TENM4: variants seen among roughly 807,000 people sequenced by gnomAD.
TENM4 encodes the protein teneurin-4.
A neutral mutation model predicts 243.3 loss-of-function variants in TENM4; 82 were observed. The observed-to-expected ratio is 0.34, with a 90% CI of 0.28 to 0.40. TENM4 has a LOEUF of 0.40. Ranked by LOEUF, TENM4 falls within the 10% of genes least tolerant of loss-of-function variation. The probability of loss-of-function intolerance (pLI) is 1.00; values close to 1 mark genes in which losing one functional copy is unlikely to be tolerated. For synonymous variants in TENM4, 1,412 were observed against 1,456.3 expected (o/e 0.97, Z 0.69); for missense variants, 3,138 against 3,673.3 (o/e 0.85, Z 3.77).
intron 12 of TENM4, among the ~76,000 whole-genome samples, chr11:78,846,253 A>G (rs1245462620): frequency 6.6e-6 from 1 of 152,152 alleles, no homozygotes; most frequent in African/African-American, 2.4e-5. Flanking sequence ...CTTTTCTAGG[A>G]CGTGTGCTTA....
intron 1 of TENM4, among the ~76,000 whole-genome samples, chr11:79,378,124 G>A (rs1363506268): frequency 6.6e-6 from 1 of 152,174 alleles, no homozygotes; most frequent in Non-Finnish European, 1.5e-5. Flanking sequence ...CAAAGCTGCT[G>A]GTACCACCTG....
At chr11:78,905,621 G>C (rs1196392549) in intron 6 of TENM4, among the ~76,000 whole-genome samples, 1 of 152,186 alleles carries the variant, frequency 6.6e-6, no homozygotes, top group African/African-American at 2.4e-5. Context: ...GATGTACTGA[G>C]ACCATCTGAA....
chr11:78,878,572 C>CT (rs1487132497), intron 9 of TENM4, among the ~76,000 whole-genome samples: 2 of 152,158 alleles, frequency 1.3e-5, no homozygotes, highest in Non-Finnish European at 2.9e-5. Flanking sequence ...ATCCTTCAGC[C>CT]TTTTTTGGTC....
At position 79,440,265 on chromosome 11, in the gene TENM4, C is replaced by A. The variant is rs1859375594; in HGVS notation, c.-321+244G>T. ...CCAACCCTTGCTCCCAGGCTCCAGT[C>A]CGCGGCGGGCTCCGGGGGCTGCGGC... On this transcript the variant is annotated intron_variant, in intron 1 of 33. Coordinates refer to ENST00000278550, the MANE Select transcript of TENM4 (RefSeq NM_001098816.3). This position sits in a 1 kb window ranked among gnomAD's most constrained non-coding sequence, Gnocchi z 4.7. 1.3e-5 allele frequency among the ~76,000 whole-genome samples: 2 copies of A among 151,094 alleles called. No individual in the cohort carries two copies. Among genetic ancestry groups the A allele is most frequent in the Non-Finnish European group, 3.0e-5 (2 of 67,648 alleles).
chr11:79,187,968 A>G (rs1370487296), intron 3 of TENM4, among the ~76,000 whole-genome samples: 1 of 152,224 alleles, frequency 6.6e-6, no homozygotes, highest in Non-Finnish European at 1.5e-5. Context: ...CTAGCAGACT[A>G]TATATAATTC....
intron 21 of TENM4, among the ~76,000 whole-genome samples, chr11:78,730,099 C>G (rs1042512592): frequency 6.6e-6 from 1 of 152,172 alleles, no homozygotes; most frequent in Non-Finnish European, 1.5e-5. Flanking sequence ...AGAAAGCTCA[C>G]GGAACCTCTG....
At chr11:78,815,459 C>A (rs1165212407) in intron 12 of TENM4, among the ~76,000 whole-genome samples, 1 of 152,188 alleles carries the variant, frequency 6.6e-6, no homozygotes, top group Non-Finnish European at 1.5e-5. Flanking sequence ...TGTCATGCCC[C>A]CCTTTTGCAG....
chr11:79,211,561 A>C (rs890248400), intron 3 of TENM4, among the ~76,000 whole-genome samples: 16 of 152,360 alleles, frequency 1.1e-4, no homozygotes, highest in African/African-American at 3.8e-4. Flanking sequence ...TGAATGCAGA[A>C]GCAGATACCT....
rs568932199 is a variant in TENM4 at position 79,337,825 on chromosome 11, C to T, written c.-320-40282G>A. The stretch of plus-strand genomic sequence containing the variant: ...GGTTTCTGCCCCATGCCATCGAAGG[C>T]CTTGCCAAGGACAGGGGCAAAGTGG... On this transcript the variant is annotated intron_variant, in intron 1 of 33. Coordinates refer to ENST00000278550, the MANE Select transcript of TENM4 (RefSeq NM_001098816.3). Among the ~76,000 whole-genome samples the T allele has an allele frequency of 5.3e-5, 8 of 152,306 alleles. No individual in the cohort carries two copies. In the South Asian group the frequency reaches 1.2e-3, roughly 24 times the overall value.
intron 4 of TENM4, among the ~76,000 whole-genome samples, chr11:79,123,701 T>A (rs967549013): frequency 1.3e-5 from 2 of 151,840 alleles, no homozygotes; most frequent in Non-Finnish European, 2.9e-5. Flanking sequence ...AAAATGTCCC[T>A]TTTCGGGGAA....
chr11:79,367,521 T>C (rs1857700188), intron 1 of TENM4, among the ~76,000 whole-genome samples: 1 of 152,238 alleles, frequency 6.6e-6, no homozygotes, highest in South Asian at 2.1e-4. Flanking sequence ...GATGCACATA[T>C]GTTATTGATT....
intron 6 of TENM4, among the ~76,000 whole-genome samples, chr11:79,028,168 T>A (rs1442547632): frequency 6.6e-6 from 1 of 152,160 alleles, no homozygotes; most frequent in Non-Finnish European, 1.5e-5. Flanking sequence ...ACAGAGCAGT[T>A]GTAAAGATTT....
intron 6 of TENM4, among the ~76,000 whole-genome samples, chr11:79,041,627 A>G (rs1215122380): frequency 6.6e-6 from 1 of 152,222 alleles, no homozygotes; most frequent in Non-Finnish European, 1.5e-5. Flanking sequence ...CAACATCCAA[A>G]GAGTGGCCTT....
intron 9 of TENM4, among the ~76,000 whole-genome samples, chr11:78,888,925 G>A (rs1395816610): frequency 6.6e-6 from 1 of 152,166 alleles, no homozygotes; most frequent in African/African-American, 2.4e-5. Context: ...TTACTAAGAG[G>A]CTGATTTATA....
At chr11:79,069,689 G>T in intron 5 of TENM4, 33 bp downstream of exon 5, 1 of 1,530,046 alleles carries the variant, frequency 6.5e-7, no homozygotes, top group Non-Finnish European at 8.8e-7. Context: ...GCTCACCTGC[G>T]CCTGAGGCCC....
chr11:79,408,410 C>T (rs1236221733), intron 1 of TENM4, among the ~76,000 whole-genome samples: 1 of 152,130 alleles, frequency 6.6e-6, no homozygotes, highest in Non-Finnish European at 1.5e-5. Context: ...AGACTTGGGT[C>T]GGAACCTTGA....
At chr11:78,961,784 C>CTTT (rs60789690) in intron 6 of TENM4, among the ~76,000 whole-genome samples, 1 of 146,020 alleles carries the variant, frequency 6.8e-6, no homozygotes, top group Non-Finnish European at 1.5e-5. Context: ...ATGTCTTAAC[C>CTTT]TTTTTTTTTT....
At chr11:78,755,964 G>A (rs1376327939) in intron 19 of TENM4, among the ~76,000 whole-genome samples, 3 of 152,152 alleles carry the variant, frequency 2.0e-5, no homozygotes, top group Non-Finnish European at 4.4e-5. Flanking sequence ...CAAAAGAAAT[G>A]ATTATAAATC....
At chr11:79,121,235 C>T (rs2137130822) in intron 4 of TENM4, among the ~76,000 whole-genome samples, 1 of 152,080 alleles carries the variant, frequency 6.6e-6, no homozygotes, top group South Asian at 2.1e-4. Flanking sequence ...TTCCTGTCTT[C>T]CATTCTAGTT....
Sources: gnomAD v4.1 joint callset for allele counts (sites outside exome capture counted in the v4.1 genomes callset) on GRCh38, gnomAD v4.1.1 for gene constraint, Gnocchi (gnomAD v3.1) non-coding constraint, MANE v1.5 for transcripts, NCBI Gene and HGNC (gene_info 2026-07-23, HGNC 2026-07-21) for gene names.